Variants in RERE observed in about 807,000 individuals in gnomAD.
RERE encodes the protein arginine-glutamic acid dipeptide repeats.
A neutral mutation model predicts 146.1 loss-of-function variants in RERE; 40 were observed. That is an observed-to-expected ratio of 0.27 (90% CI 0.21 to 0.36). The LOEUF (loss-of-function observed/expected upper bound fraction) is 0.36. Among genes scored for constraint, RERE ranks in the 10% least tolerant of loss-of-function variants. The pLI, the probability that RERE is intolerant of heterozygous loss-of-function variation, is 1.00. For missense variants in RERE, 1,933 were observed against 2,138.7 expected (o/e 0.90, Z 1.90); for synonymous variants, 1,003 against 866.0 (o/e 1.16, Z -2.78).
intron 1 of RERE, among the ~76,000 whole-genome samples, chr1:8,806,621 T>A (rs1329260795): frequency 1.3e-5 from 2 of 152,170 alleles, no homozygotes; most frequent in African/African-American, 2.4e-5. Context: ...TACGTTAATA[T>A]TATTCATTCA....
At chr1:8,586,183 C>A (rs1229943907) in intron 4 of RERE, among the ~76,000 whole-genome samples, 1 of 152,094 alleles carries the variant, frequency 6.6e-6, no homozygotes, top group East Asian at 1.9e-4. Flanking sequence ...AGCAACGCAG[C>A]GAGAGATCTG....
At chr1:8,782,771 T>C (rs1641188328) in intron 1 of RERE, among the ~76,000 whole-genome samples, 1 of 152,024 alleles carries the variant, frequency 6.6e-6, no homozygotes. Context: ...CTGGATGTGG[T>C]AGCAGGCACC....
intron 4 of RERE, among the ~76,000 whole-genome samples, chr1:8,570,548 T>G (rs1260896019): frequency 6.6e-6 from 1 of 152,216 alleles, no homozygotes; most frequent in East Asian, 1.9e-4. Context: ...TTCCCATATC[T>G]ACTTCTGCTT....
intron 12 of RERE, among the ~76,000 whole-genome samples, chr1:8,367,072 T>C (rs1293756282): frequency 1.3e-5 from 2 of 152,076 alleles, no homozygotes; most frequent in African/African-American, 4.8e-5. Context: ...ACCTGCACCC[T>C]CACTTTGTCT....
At chr1:8,692,343 A>AC (rs1639224201) in intron 1 of RERE, among the ~76,000 whole-genome samples, 1 of 48,518 alleles carries the variant, frequency 2.1e-5, no homozygotes, top group African/African-American at 9.9e-5. Context: ...TCTCCCATAT[A>AC]CTTTTTTTTT....
intron 17 of RERE, 43 bp from the exon 18 acceptor site, chr1:8,361,533 AGCCCTGTCTGCTCT>A (rs760023819): frequency 1.3e-6 from 2 of 1,596,372 alleles, no homozygotes; most frequent in African/African-American, 2.7e-5. Context: ...AGGAGGGCAG[AGCCCTGTCTGCTCT>A]GCACCACCAG....
chr1:8,452,726 A>G (rs185069055), intron 11 of RERE, among the ~76,000 whole-genome samples: 2 of 152,368 alleles, frequency 1.3e-5, no homozygotes, highest in Admixed American at 6.5e-5. Flanking sequence ...ACGCAGTAGA[A>G]TTAAATTCAG....
At chr1:8,407,322 A>C (rs991925342) in intron 12 of RERE, among the ~76,000 whole-genome samples, 6 of 152,220 alleles carry the variant, frequency 3.9e-5, no homozygotes, top group African/African-American at 1.4e-4. Context: ...GACACCGATG[A>C]AACAGAAGCT....
At position 8,423,051 on chromosome 1, in the gene RERE, C is replaced by T; in HGVS notation, c.1204-244G>A. On this transcript the variant is annotated intron_variant, in intron 11 of 22. Transcript: ENST00000400908. This position sits in a 1 kb window ranked among gnomAD's most constrained non-coding sequence, Gnocchi z 5.4. ...CAGGGCAGCGCGTTTAAGAGAAGGA[C>T]GTCCTGCGTCTGAGGCTAAGAAGCA... 1 of 481,930 alleles carries T rather than the reference C, an allele frequency of 2.1e-6. No homozygotes were observed. The highest frequency in any genetic ancestry group is 3.3e-5 in the Admixed American group (1 of 29,914). The allele number at this position is 481,930 out of a possible 1,614,324, so 29.9% of individuals were successfully genotyped here. A position where few individuals can be genotyped will look rare whatever the true frequency, so the allele number is the denominator to read the frequency against.
intron 7 of RERE, among the ~76,000 whole-genome samples, chr1:8,531,752 GTCCCC>G (rs1175384677): frequency 6.6e-6 from 1 of 152,110 alleles, no homozygotes; most frequent in East Asian, 1.9e-4. Flanking sequence ...TTTTCTAAGA[GTCCCC>G]TCCCCAATTA....
At chr1:8,571,985 G>A (rs1557691990) in intron 4 of RERE, among the ~76,000 whole-genome samples, 1 of 152,146 alleles carries the variant, frequency 6.6e-6, no homozygotes. Flanking sequence ...TCTGCATCAC[G>A]TTCAAGCACC....
At chr1:8,528,977 C>T (rs1299624615) in intron 7 of RERE, among the ~76,000 whole-genome samples, 1 of 152,138 alleles carries the variant, frequency 6.6e-6, no homozygotes, top group Admixed American at 6.5e-5. Context: ...GGCATCACTT[C>T]GGTGCTCAAA....
intron 1 of RERE, among the ~76,000 whole-genome samples, chr1:8,752,151 T>C (rs879609956): frequency 1.3e-5 from 2 of 152,046 alleles, no homozygotes; most frequent in Non-Finnish European, 2.9e-5. Context: ...AGGGACAGGA[T>C]TTGCCTTGCG....
At chr1:8,402,411 G>A (rs955241333) in intron 12 of RERE, among the ~76,000 whole-genome samples, 3 of 152,146 alleles carry the variant, frequency 2.0e-5, no homozygotes, top group Non-Finnish European at 4.4e-5. Context: ...AGAAATCACG[G>A]CACAAAGATA....
At chr1:8,805,938 G>GCCTCCCGGGTTCAAGAGATTCT (rs1553151608) in intron 1 of RERE, 5 of 134,848 alleles carry the variant, frequency 3.7e-5, no homozygotes, top group African/African-American at 1.4e-4. Context: ...TGCAACCTCT[G>GCCTCCCGGGTTCAAGAGATTCT]CCTCCCGGGT....
At chr1:8,741,178 T>C (rs1303960850) in intron 1 of RERE, among the ~76,000 whole-genome samples, 1 of 152,212 alleles carries the variant, frequency 6.6e-6, no homozygotes, top group African/African-American at 2.4e-5. Flanking sequence ...TGTCATATAT[T>C]TGGTGTGGTC....
chr1:8,375,914 TAATA>T (rs1456542394), intron 12 of RERE, among the ~76,000 whole-genome samples: 2 of 152,260 alleles, frequency 1.3e-5, no homozygotes, highest in African/African-American at 2.4e-5. Context: ...TTTTATATCT[TAATA>T]TATATTTATC....
chr1:8,704,329 T>C (rs1050533629), intron 1 of RERE, among the ~76,000 whole-genome samples: 7 of 152,262 alleles, frequency 4.6e-5, no homozygotes, highest in Non-Finnish European at 7.3e-5. Context: ...TTTTTAAATG[T>C]ATTCCTATAA....
intron 4 of RERE, among the ~76,000 whole-genome samples, chr1:8,584,613 A>AAGGAC (rs1646405080): frequency 6.6e-6 from 1 of 152,138 alleles, no homozygotes; most frequent in Non-Finnish European, 1.5e-5. Flanking sequence ...ACAGCTACAT[A>AAGGAC]AGGACTAGTG....
Sources: allele counts gnomAD v4.1 joint callset (sites outside exome capture counted in the v4.1 genomes callset), GRCh38; gene constraint gnomAD v4.1.1; non-coding constraint Gnocchi (gnomAD v3.1); transcripts MANE v1.5; gene names NCBI Gene and HGNC (gene_info 2026-07-23, HGNC 2026-07-21).